Variants in LRRC4C observed in about 807,000 individuals in gnomAD.
The protein encoded by LRRC4C is leucine-rich repeat-containing protein 4C.
A neutral mutation model predicts 33.6 loss-of-function variants in LRRC4C; 5 were observed. The ratio of observed to expected loss-of-function variants is 0.15; its 90% CI spans 0.08 to 0.31. LRRC4C has a LOEUF of 0.31. Ranked by LOEUF, LRRC4C falls within the 10% of genes least tolerant of loss-of-function variation. LRRC4C has a pLI of 1.00. For synonymous variants in LRRC4C, 329 were observed against 302.0 expected, an observed-to-expected ratio of 1.09 and a Z score of -0.93; for missense variants, 560 against 796.7, an observed-to-expected ratio of 0.70 and a Z score of 3.58.
At chr11:40,171,404 C>G (rs933632968) in intron 5 of LRRC4C, among the ~76,000 whole-genome samples, 2 of 152,156 alleles carry the variant, frequency 1.3e-5, no homozygotes, top group African/African-American at 2.4e-5. Context: ...CTAGCAATAA[C>G]TGGAACCATC....
intron 1 of LRRC4C, among the ~76,000 whole-genome samples, chr11:41,427,668 A>G (rs1271673550): frequency 6.6e-6 from 1 of 152,138 alleles, no homozygotes; most frequent in Non-Finnish European, 1.5e-5. Context: ...TAAAAAGGAA[A>G]GTGTCCGGCC....
intron 1 of LRRC4C, among the ~76,000 whole-genome samples, chr11:40,982,267 T>C (rs1852598161): frequency 6.6e-6 from 1 of 152,188 alleles, no homozygotes; most frequent in Non-Finnish European, 1.5e-5. Flanking sequence ...ACTACATATT[T>C]TACATAGCCT....
intron 2 of LRRC4C, among the ~76,000 whole-genome samples, chr11:40,724,247 A>G (rs1035286557): frequency 3.9e-5 from 6 of 152,206 alleles, no homozygotes; most frequent in African/African-American, 1.2e-4. Context: ...TTGACACTTG[A>G]CCAGTTGGAT....
intron 2 of LRRC4C, among the ~76,000 whole-genome samples, chr11:40,898,142 G>A (rs2136164861): frequency 6.6e-6 from 1 of 152,038 alleles, no homozygotes; most frequent in East Asian, 1.9e-4. Context: ...ATCACCTGAG[G>A]TCGGGAGTTC....
chr11:41,173,360 T>A (rs1312179049), intron 1 of LRRC4C, among the ~76,000 whole-genome samples: 4 of 152,110 alleles, frequency 2.6e-5, no homozygotes, highest in African/African-American at 9.7e-5. Context: ...GGGATCAACT[T>A]AAGTTTAAAT....
chr11:40,139,629 G>A (rs1046123979), intron 6 of LRRC4C, among the ~76,000 whole-genome samples: 2 of 152,086 alleles, frequency 1.3e-5, no homozygotes, highest in Non-Finnish European at 2.9e-5. Flanking sequence ...CACATGCCCA[G>A]TGAACAAAAC....
intron 2 of LRRC4C, among the ~76,000 whole-genome samples, chr11:40,868,322 A>G (rs1430451215): frequency 6.6e-6 from 1 of 152,152 alleles, no homozygotes; most frequent in Non-Finnish European, 1.5e-5. Context: ...GAAGAATGCT[A>G]TTTAATATTT....
chr11:40,651,346 G>C (rs1942785204), intron 2 of LRRC4C, among the ~76,000 whole-genome samples: 1 of 152,016 alleles, frequency 6.6e-6, no homozygotes, highest in Admixed American at 6.6e-5. Context: ...ATTAAAAAGA[G>C]ATGGGGGTGG....
chr11:40,625,825 C>T (rs1432431761), intron 3 of LRRC4C, among the ~76,000 whole-genome samples: 4 of 152,098 alleles, frequency 2.6e-5, no homozygotes, highest in Non-Finnish European at 5.9e-5. Context: ...TCCACTATAA[C>T]AAACCTTTTC....
At chr11:40,589,940 C>G (rs1269814443) in intron 3 of LRRC4C, among the ~76,000 whole-genome samples, 2 of 151,068 alleles carry the variant, frequency 1.3e-5, no homozygotes, top group Admixed American at 1.3e-4. Flanking sequence ...TTTGGTGAAT[C>G]TGACAATTAT....
intron 2 of LRRC4C, among the ~76,000 whole-genome samples, chr11:40,834,610 T>C (rs1254279002): frequency 6.6e-6 from 1 of 152,084 alleles, no homozygotes; most frequent in Non-Finnish European, 1.5e-5. Flanking sequence ...TTCATAGGCA[T>C]CCATGGACAA....
chr11:41,268,731 G>A (rs963534508), intron 1 of LRRC4C, among the ~76,000 whole-genome samples: 3 of 151,950 alleles, frequency 2.0e-5, no homozygotes, highest in Admixed American at 2.0e-4. Flanking sequence ...CAGAATTTCA[G>A]TAGTTGATGC....
At chr11:41,306,263 C>T (rs138441884) in intron 1 of LRRC4C, among the ~76,000 whole-genome samples, 2 of 152,238 alleles carry the variant, frequency 1.3e-5, no homozygotes, top group Non-Finnish European at 2.9e-5. Context: ...TTACTATTAC[C>T]ACTACTAGTT....
At chr11:41,444,082 C>A (rs910962024) in intron 1 of LRRC4C, among the ~76,000 whole-genome samples, 1 of 151,962 alleles carries the variant, frequency 6.6e-6, no homozygotes, top group Non-Finnish European at 1.5e-5. Context: ...AAGGAATTTC[C>A]GAACCTCTAA....
At chr11:40,372,184 C>T (rs930881808) in intron 3 of LRRC4C, among the ~76,000 whole-genome samples, 3 of 152,126 alleles carry the variant, frequency 2.0e-5, no homozygotes, top group African/African-American at 7.2e-5. Context: ...ATGCTCATTC[C>T]CCAAAGAGGT....
intron 5 of LRRC4C, among the ~76,000 whole-genome samples, chr11:40,150,610 T>A (rs953712306): frequency 6.6e-6 from 1 of 152,146 alleles, no homozygotes; most frequent in African/African-American, 2.4e-5. Flanking sequence ...CTAATTTTTT[T>A]AATTTTTAAT....
chr11:40,787,837 C>G (rs1213312399), intron 2 of LRRC4C, among the ~76,000 whole-genome samples: 1 of 152,126 alleles, frequency 6.6e-6, no homozygotes, highest in Non-Finnish European at 1.5e-5. Flanking sequence ...ATCCTTTATG[C>G]TTGCCCAGTG....
chr11:41,259,400 G>A (rs1032428813), intron 1 of LRRC4C, among the ~76,000 whole-genome samples: 4 of 151,892 alleles, frequency 2.6e-5, no homozygotes, highest in South Asian at 2.1e-4. Flanking sequence ...TATAGATTTT[G>A]GAAATGTGTA....
chr11:40,566,030 A>G (rs1191338582), intron 3 of LRRC4C, among the ~76,000 whole-genome samples: 5 of 135,048 alleles, frequency 3.7e-5, no homozygotes, highest in African/African-American at 8.5e-5. Flanking sequence ...CATTAAAGCT[A>G]TATGTTCTGT....
Sources: allele counts gnomAD v4.1 joint callset (sites outside exome capture counted in the v4.1 genomes callset), GRCh38; gene constraint gnomAD v4.1.1; transcripts MANE v1.5; gene names NCBI Gene and HGNC (gene_info 2026-07-23, HGNC 2026-07-21).